The following PXDN variants were observed in gnomAD, a reference collection of about 807,000 sequenced individuals.
PXDN encodes the protein peroxidasin homolog.
PXDN carries 77 observed loss-of-function variants against 140.3 expected under a neutral mutation model. The ratio of observed to expected loss-of-function variants is 0.55; its 90% CI spans 0.46 to 0.66. PXDN has a LOEUF of 0.66. PXDN is among the 30% of genes least tolerant of loss of function. The probability of loss-of-function intolerance (pLI) is 0.00; values close to 1 mark genes in which losing one functional copy is unlikely to be tolerated. For missense variants in PXDN, 1,838 were observed against 2,039.5 expected, an observed-to-expected ratio of 0.90 and a Z score of 1.90; for synonymous variants, 911 against 857.4, an observed-to-expected ratio of 1.06 and a Z score of -1.09.
chr2:1,663,135 C>A (rs980492960), intron 12 of PXDN, among the ~76,000 whole-genome samples: 1 of 152,160 alleles, frequency 6.6e-6, no homozygotes, highest in Non-Finnish European at 1.5e-5. Flanking sequence ...CCAAAAAGAA[C>A]AAGATGAAGA....
intron 1 of PXDN, among the ~76,000 whole-genome samples, chr2:1,742,453 T>C (rs1265047224): frequency 6.6e-6 from 1 of 152,230 alleles, no homozygotes. Flanking sequence ...CTCAGCTCCT[T>C]TTTCAAATTC....
intron 1 of PXDN, among the ~76,000 whole-genome samples, chr2:1,710,995 C>T (rs1386226894): frequency 9.7e-6 from 1 of 103,344 alleles, no homozygotes; most frequent in Non-Finnish European, 2.1e-5. Context: ...CACCAGCACC[C>T]ACTCCACCAG....
At chr2:1,636,460 T>G (rs1488795978) in intron 21 of PXDN, 1 of 152,302 alleles carries the variant, frequency 6.6e-6, no homozygotes, top group Non-Finnish European at 1.5e-5. Context: ...GCAGCAGCAG[T>G]GTCTCACCTA....
At chr2:1,730,810 A>G (rs1685294920) in intron 1 of PXDN, among the ~76,000 whole-genome samples, 1 of 152,174 alleles carries the variant, frequency 6.6e-6, no homozygotes, top group South Asian at 2.1e-4. Context: ...CAACTAGATT[A>G]CAAGCAATCC....
chr2:1,701,429 C>T (rs1403284006), intron 1 of PXDN, among the ~76,000 whole-genome samples: 1 of 152,154 alleles, frequency 6.6e-6, no homozygotes, highest in Non-Finnish European at 1.5e-5. Context: ...AGGGCACGGA[C>T]GAGTTTCAAG....
intron 1 of PXDN, among the ~76,000 whole-genome samples, chr2:1,721,911 A>G (rs1685062233): frequency 6.6e-6 from 1 of 152,254 alleles, no homozygotes; most frequent in Non-Finnish European, 1.5e-5. Context: ...AGAAATATTT[A>G]TACCAAATAG....
At position 1,634,231 on chromosome 2, in the gene PXDN, T is replaced by C. The variant is rs1485055679; in HGVS notation, c.4413A>G (p.Leu1471=). The C allele has an allele frequency of 1.2e-6, 2 of 1,601,720 alleles. No individual in the cohort carries two copies. Among genetic ancestry groups the C allele is most frequent in the East Asian group, 4.5e-5 (2 of 44,454 alleles). ...AGGGCTTTTCCTCCGCCCTCTTCTG[T>C]AAGCAGACTGGACAGCAGGCCCCTG... ...NIPGACCPVC[L]QKRAEEKP The change falls in exon 23 of 23, where the codon TTA becomes TTG. Residue 1471 remains leucine, a synonymous_variant. Transcript: ENST00000252804.
At chr2:1,715,986 T>A (rs1214093924) in intron 1 of PXDN, among the ~76,000 whole-genome samples, 2 of 151,922 alleles carry the variant, frequency 1.3e-5, no homozygotes, top group Non-Finnish European at 2.9e-5. Flanking sequence ...TCCAAGCAAG[T>A]GTTGGTCTTT....
At chr2:1,672,416 AC>A (rs1683598568) in intron 9 of PXDN, among the ~76,000 whole-genome samples, 1 of 152,232 alleles carries the variant, frequency 6.6e-6, no homozygotes. Context: ...ACTTAACAGT[AC>A]TACATAACTT....
rs527680612 is a variant in PXDN, at chr2:1,667,285, A to G, written c.1019-799T>C. ...TGTTAATCGGTTTGACAAATGGATT[A>G]GATAGACTGCTAGCCAGACTAATAA... On this transcript the variant is annotated intron_variant, in intron 9 of 22. Transcript: ENST00000252804. Among the ~76,000 whole-genome samples the G allele has an allele frequency of 2.0e-5, 3 of 152,320 alleles. No homozygotes were observed. The East Asian group carries it at 5.8e-4, about 29-fold the overall frequency.
rs1683284170 is a variant in PXDN, at chr2:1,660,747, C to T, written c.1837+134G>A. On this transcript the variant is annotated intron_variant, in intron 14 of 22. Coordinates refer to ENST00000252804, the MANE Select transcript of PXDN (RefSeq NM_012293.3). This position sits in a 1 kb window ranked among gnomAD's most constrained non-coding sequence, Gnocchi z 4.6. ...GCCATGCATCAGGAGAGTGTCCCCA[C>T]CTGGGAATCAAGGGTGCTTTGTCTT... The T allele has an allele frequency of 8.3e-7, 1 of 1,199,250 alleles. No individual in the cohort carries two copies. Among genetic ancestry groups the T allele is most frequent in the African/African-American group, 1.5e-5 (1 of 65,446 alleles). The allele number at this position is 1,199,250 out of a possible 1,614,324, so 74.3% of individuals were successfully genotyped here.
At chr2:1,728,453 G>C (rs772578125) in intron 1 of PXDN, among the ~76,000 whole-genome samples, 1 of 152,144 alleles carries the variant, frequency 6.6e-6, no homozygotes, top group African/African-American at 2.4e-5. Context: ...TCAGTACTTG[G>C]AGCACCTCCG....
chr2:1,693,100 G>C lies in PXDN; in HGVS notation c.235C>G (p.Pro79Ala). 6.4e-7 allele frequency: 1 copy of C among 1,559,302 alleles called. No individual in the cohort carries two copies. The highest frequency in any genetic ancestry group is 8.7e-7 in the Non-Finnish European group (1 of 1,149,872). Reference sequence around the variant, plus strand: ...TTCCTCAGCCGCCTGAATGCCCCAGGTTGGATCTCTCTGATTCTGTTAAAG... The same window carrying C: ...TTCCTCAGCCGCCTGAATGCCCCAGCTTGGATCTCTCTGATTCTGTTAAAG... ...LRFNRIREIQ[P>A]GAFRRLRNLN... Residue 79 changes from proline (P) to alanine (A), a missense_variant, in exon 2 of 23, where the codon CCT (proline) becomes GCT (alanine). This residue lies in a region of PXDN where 231 missense variants were observed against 201.5 expected (regional missense o/e 1.15). Coordinates refer to ENST00000252804, the MANE Select transcript of PXDN (RefSeq NM_012293.3).
At chr2:1,679,710 C>G (rs1414662149) in intron 7 of PXDN, among the ~76,000 whole-genome samples, 1 of 121,574 alleles carries the variant, frequency 8.2e-6, no homozygotes, top group Non-Finnish European at 1.7e-5. Context: ...GCATGTGTGT[C>G]TATAAATGCT....
At chr2:1,664,911 G>A (rs752293743) in intron 11 of PXDN, 47 bp downstream of exon 11, 190 of 1,455,470 alleles carry the variant, frequency 1.3e-4, no homozygotes, top group South Asian at 2.8e-4. Flanking sequence ...TGCTTCCTGC[G>A]TCTGTGGCCG....
intron 19 of PXDN, among the ~76,000 whole-genome samples, chr2:1,640,519 C>T (rs1384523341): frequency 1.3e-5 from 2 of 152,184 alleles, no homozygotes; most frequent in Non-Finnish European, 2.9e-5. Flanking sequence ...GCTCCCTCTG[C>T]CCCCACAGCG....
intron 1 of PXDN, among the ~76,000 whole-genome samples, chr2:1,729,998 C>T (rs1194809050): frequency 6.6e-6 from 1 of 152,146 alleles, no homozygotes; most frequent in Non-Finnish European, 1.5e-5. Flanking sequence ...TAGAGCAGAA[C>T]ATGTATCATG....
intron 21 of PXDN, among the ~76,000 whole-genome samples, chr2:1,637,652 C>A (rs1320291320): frequency 6.8e-6 from 1 of 146,220 alleles, no homozygotes. Flanking sequence ...TGGGGACTTG[C>A]ACCTGGTCTC....
At position 1,649,010 on chromosome 2, in the gene PXDN, G is replaced by C; in HGVS notation, c.2770C>G (p.Arg924Gly). 1 of 1,612,524 alleles carries C rather than the reference G, an allele frequency of 6.2e-7. No homozygotes were observed. Among genetic ancestry groups the C allele is most frequent in the Admixed American group, 1.7e-5 (1 of 60,016 alleles). The change falls in exon 17 of 23, where the codon CGC (arginine) becomes GGC (glycine). Residue 924 changes from arginine to glycine, a missense_variant. This residue lies in a region of PXDN where 850 missense variants were observed against 894.1 expected (regional missense o/e 0.95). Transcript: ENST00000252804. The surrounding 1 kb of genome is among the most constrained non-coding windows in gnomAD (Gnocchi z 7.1). ...NVYGSTEHEA[R>G]SIRDLASHRG... ...TGGCTGGCCAGGTCGCGGATGCTGC[G>C]GGCCTCATGCTCCGTGCTCCCGTAC...
Sources: allele counts gnomAD v4.1 joint callset (sites outside exome capture counted in the v4.1 genomes callset), GRCh38; gene constraint gnomAD v4.1.1; regional missense constraint gnomAD v4.1.1; non-coding constraint Gnocchi (gnomAD v3.1); transcripts MANE v1.5; gene names NCBI Gene and HGNC (gene_info 2026-07-23, HGNC 2026-07-21).